The following PRICKLE2 variants were observed in gnomAD, a reference collection of about 807,000 sequenced individuals.
PRICKLE2 encodes prickle-like protein 2.
Under a neutral mutation model 81.4 loss-of-function variants are expected in PRICKLE2, and 21 were observed. The observed-to-expected ratio is 0.26, with a 90% CI of 0.18 to 0.37. PRICKLE2 has a LOEUF of 0.37. PRICKLE2 is among the 10% of genes least tolerant of loss of function. PRICKLE2 has a pLI of 1.00. For synonymous variants in PRICKLE2, 456 were observed against 421.5 expected, an observed-to-expected ratio of 1.08 and a Z score of -1.00; for missense variants, 940 against 1,109.0, an observed-to-expected ratio of 0.85 and a Z score of 2.16.
chr3:64,157,093 A>G, intron 5 of PRICKLE2, 69 bp downstream of exon 5: 1 of 1,423,702 alleles, frequency 7.0e-7, no homozygotes. Context: ...GAAAGCCAGA[A>G]GACCATGTGT....
At chr3:64,243,342 T>C (rs756718784) in intron 2 of PRICKLE2, among the ~76,000 whole-genome samples, 68 of 152,242 alleles carry the variant, frequency 4.5e-4, no homozygotes, top group East Asian at 1.2e-3. Context: ...CCATGACCTA[T>C]ATCCATGAGA....
intron 7 of PRICKLE2, among the ~76,000 whole-genome samples, chr3:64,132,208 G>A (rs2077206796): frequency 1.3e-5 from 2 of 152,080 alleles, no homozygotes; most frequent in Non-Finnish European, 1.5e-5. Flanking sequence ...TCTTTTCTTT[G>A]CTCATTTTTT....
chr3:64,150,135 T>A (rs2077521715), intron 6 of PRICKLE2, among the ~76,000 whole-genome samples: 1 of 151,936 alleles, frequency 6.6e-6, no homozygotes, highest in South Asian at 2.1e-4. Context: ...GAGGCAGACA[T>A]CACAGGGACA....
rs757380391 is a variant in PRICKLE2 at position 64,214,874 on chromosome 3, G to C, written c.-41+10036C>G. 1.1e-3 allele frequency among the ~76,000 whole-genome samples: 168 copies of C among 152,108 alleles called. 1 individual carries two copies. Among genetic ancestry groups the C allele is most frequent in the Non-Finnish European group, 1.1e-3 (77 of 68,018 alleles). On this transcript the variant is annotated intron_variant, in intron 1 of 7. Transcript: ENST00000638394. ...GACGAAACGAACAAGGAGGAGCCGG[G>C]ACCGTGGACTTCCTTGGTGCACGGG...
chr3:64,167,387 C>T (rs1325602372), intron 2 of PRICKLE2, among the ~76,000 whole-genome samples: 1 of 152,134 alleles, frequency 6.6e-6, no homozygotes, highest in Non-Finnish European at 1.5e-5. Context: ...CCTGTGATTC[C>T]ACCCCAGGTG....
At chr3:64,167,983 C>G (rs2077863683) in intron 2 of PRICKLE2, among the ~76,000 whole-genome samples, 1 of 152,106 alleles carries the variant, frequency 6.6e-6, no homozygotes. Context: ...TGGTAGGATT[C>G]CCACTTTCTT....
In PRICKLE2 at chr3:64,147,211, A is replaced by T; in HGVS notation, c.1279T>A (p.Ser427Thr). ...QLLSQCNIRT[S>T]YSPGGQGAGA... The stretch of plus-strand genomic sequence containing the variant: ...GCCCCTTGCCCTCCTGGACTGTAGG[A>T]AGTTCTGATGTTGCACTGGCTGAGG... Residue 427 changes from serine to threonine, a missense_variant, in exon 7 of 8, where the codon TCC becomes ACC. Ser to Thr is a moderately conservative substitution (Grantham distance 58). Coordinates refer to ENST00000638394, the MANE Select transcript of PRICKLE2 (RefSeq NM_198859.4). This position sits in a 1 kb window ranked among gnomAD's most constrained non-coding sequence, Gnocchi z 5.0. 6.2e-7 allele frequency: 1 copy of T among 1,611,424 alleles called. No individual in the cohort carries two copies. The highest frequency in any genetic ancestry group is 8.5e-7 in the Non-Finnish European group (1 of 1,178,528).
intron 5 of PRICKLE2, chr3:64,154,313 G>A (rs28542434): frequency 2.6e-5 from 4 of 152,010 alleles, no homozygotes; most frequent in East Asian, 3.9e-4. Context: ...GCCGAGGTGG[G>A]TGGATCACAA....
At chr3:64,262,194 T>C (rs1381355937) in intron 2 of PRICKLE2, among the ~76,000 whole-genome samples, 1 of 152,046 alleles carries the variant, frequency 6.6e-6, no homozygotes, top group Non-Finnish European at 1.5e-5. Flanking sequence ...CCTCCCTCCC[T>C]CTCACCCTCA....
intron 1 of PRICKLE2, 189 bp from the exon 2 acceptor site, chr3:64,199,156 G>A (rs2078521220): frequency 4.7e-6 from 3 of 632,646 alleles, no homozygotes; most frequent in Non-Finnish European, 5.6e-6. Context: ...ACACGCATGT[G>A]AAAACAGCAT....
chr3:64,214,063 G>C (rs2078834104), intron 1 of PRICKLE2, among the ~76,000 whole-genome samples: 1 of 152,132 alleles, frequency 6.6e-6, no homozygotes, highest in South Asian at 2.1e-4. Flanking sequence ...TTTCATCCAG[G>C]GGAACTGGGC....
At chr3:64,163,323 C>T in intron 2 of PRICKLE2, 194 bp from the exon 3 acceptor site, 2 of 624,758 alleles carry the variant, frequency 3.2e-6, no homozygotes, top group Non-Finnish European at 5.8e-6. Flanking sequence ...TCAGGCAAAT[C>T]ATCCATATCT....
At chr3:64,238,497 AAAAG>A (rs2079215561) in intron 2 of PRICKLE2, among the ~76,000 whole-genome samples, 1 of 151,718 alleles carries the variant, frequency 6.6e-6, no homozygotes, top group Non-Finnish European at 1.5e-5. Flanking sequence ...AAAAAAAAAA[AAAAG>A]AAAAAAGAAA....
At chr3:64,160,978 AC>A (rs2077724045) in intron 3 of PRICKLE2, among the ~76,000 whole-genome samples, 1 of 151,694 alleles carries the variant, frequency 6.6e-6, no homozygotes, top group South Asian at 2.1e-4. Context: ...AAACAAACAA[AC>A]AAACAAAAAA....
intron 2 of PRICKLE2, among the ~76,000 whole-genome samples, chr3:64,168,576 C>T (rs1015826345): frequency 2.0e-5 from 3 of 152,146 alleles, no homozygotes; most frequent in African/African-American, 7.2e-5. Flanking sequence ...CACAGTATTT[C>T]ATAAACCTTC....
chr3:64,173,205 A>G (rs1448882444), intron 2 of PRICKLE2, among the ~76,000 whole-genome samples: 1 of 152,228 alleles, frequency 6.6e-6, no homozygotes, highest in Non-Finnish European at 1.5e-5. Context: ...CAAAGATTCA[A>G]TAAAAAATAA....
chr3:64,211,830 G>A (rs1347922473), intron 1 of PRICKLE2, among the ~76,000 whole-genome samples: 1 of 152,174 alleles, frequency 6.6e-6, no homozygotes, highest in African/African-American at 2.4e-5. Context: ...TGGACCCAAA[G>A]GTTACTGAGT....
chr3:64,224,313 C>T (rs2079000475), intron 1 of PRICKLE2, among the ~76,000 whole-genome samples: 1 of 152,154 alleles, frequency 6.6e-6, no homozygotes, highest in Admixed American at 6.6e-5. Flanking sequence ...TTTCGAGAAG[C>T]CAAGAGTGAG....
chr3:64,163,333 T>C, intron 2 of PRICKLE2: 1 of 613,004 alleles, frequency 1.6e-6, no homozygotes, highest in South Asian at 1.9e-5. Flanking sequence ...CATCCATATC[T>C]GGGATTTTTC....
Sources: gnomAD v4.1 joint callset for allele counts (sites outside exome capture counted in the v4.1 genomes callset) on GRCh38, gnomAD v4.1.1 for gene constraint, Gnocchi (gnomAD v3.1) non-coding constraint, MANE v1.5 for transcripts, NCBI Gene and HGNC (gene_info 2026-07-23, HGNC 2026-07-21) for gene names.